The following CREG1 variants were observed in gnomAD, a reference collection of about 807,000 sequenced individuals.
The protein encoded by CREG1 is protein CREG1.
A neutral mutation model predicts 19.9 loss-of-function variants in CREG1; 20 were observed. That is an observed-to-expected ratio of 1.01 (90% confidence interval 0.71 to 1.46). The LOEUF is 1.46. Among genes scored for constraint, CREG1 ranks in the 40% most tolerant of loss-of-function variants. The pLI is 0.00. For synonymous variants in CREG1, 141 were observed against 143.3 expected (o/e 0.98, Z 0.12); for missense variants, 290 against 314.9 (o/e 0.92, Z 0.60).
chr1:167,546,412 G>A lies in CREG1; in HGVS notation c.475-127C>T, dbSNP rs537424809. 1.0e-5 allele frequency: 6 copies of A among 579,204 alleles called. No individual in the cohort carries two copies. The African/African-American group carries it at 1.2e-4, about 11-fold the overall frequency. The allele number at this position is 579,204 out of a possible 1,614,324, so 35.9% of individuals were successfully genotyped here. On this transcript the variant is annotated intron_variant, in intron 2 of 3. Coordinates refer to ENST00000370509, the MANE Select transcript of CREG1 (RefSeq NM_003851.3). ...TAATCCCAGCACTTTGGAAGGCCAA[G>A]GCGGGCGGATCACGAGGTCAGGAGA...
In CREG1 at chr1:167,542,183, A is replaced by G; in HGVS notation, c.*115T>C. ...AAGCAAGCAAACAAACCAGCATGTG[A>G]CAGAAAACTGGCTAATATTCTGGGA... On this transcript the variant is annotated 3_prime_UTR_variant, in exon 4 of 4. Transcript: ENST00000370509. 1 of 890,302 alleles carries G rather than the reference A, an allele frequency of 1.1e-6. No individual in the cohort carries two copies. Among genetic ancestry groups the G allele is most frequent in the Non-Finnish European group, 1.7e-6 (1 of 602,126 alleles). The allele number at this position is 890,302 out of a possible 1,614,324, so 55.2% of individuals were successfully genotyped here.
chr1:167,547,898 G>A (rs1335455857), intron 2 of CREG1, 104 bp downstream of exon 2: 12 of 1,316,326 alleles, frequency 9.1e-6, no homozygotes, highest in African/African-American at 2.9e-5. Context: ...TCCAGCCTGG[G>A]AGACAGAGTG....
Position 167,553,505 on chromosome 1 carries a change from C to A in CREG1, c.237G>T (p.Ala79=). 3 of 1,489,938 alleles carry A rather than the reference C, an allele frequency of 2.0e-6. No homozygotes were observed. The highest frequency in any genetic ancestry group is 2.7e-6 in the Non-Finnish European group (3 of 1,127,556). The allele number at this position is 1,489,938 out of a possible 1,614,324, so 92.3% of individuals were successfully genotyped here. A position where few individuals can be genotyped will look rare whatever the true frequency, so the allele number is the denominator to read the frequency against. ...CGTCGGCGAAGGGCCGGCCGCGCAC[C>A]GCCTCCAGCGTGGAGATGGTGGCCA... ...GALATISTLE[A]VRGRPFADVL... Residue 79 remains alanine (A), a synonymous_variant, in exon 1 of 4, where the codon GCG becomes GCT. Coordinates refer to ENST00000370509, the MANE Select transcript of CREG1 (RefSeq NM_003851.3).
Position 167,542,065 on chromosome 1 carries a change from C to G in CREG1, c.*233G>C, listed in dbSNP as rs920909875. The G allele has an allele frequency of 2.4e-6, 1 of 416,666 alleles. No homozygotes were observed. Among genetic ancestry groups the G allele is most frequent in the South Asian group, 5.5e-5 (1 of 18,342 alleles). 25.8% of individuals were successfully genotyped at this position (416,666 alleles called of 1,614,324 possible). A position where few individuals can be genotyped will look rare whatever the true frequency, so the allele number is the denominator to read the frequency against. On this transcript the variant is annotated 3_prime_UTR_variant, in exon 4 of 4. Transcript: ENST00000370509. ...GATTATAGTGAAGGATATTTCTCTACGAAAATGGCTTCAAAATAGGAAAAA... is the reference window on the plus strand; with the variant it reads ...GATTATAGTGAAGGATATTTCTCTAGGAAAATGGCTTCAAAATAGGAAAAA...
chr1:167,544,972 C>T (rs1430582877), intron 3 of CREG1, among the ~76,000 whole-genome samples: 1 of 152,158 alleles, frequency 6.6e-6, no homozygotes, highest in Non-Finnish European at 1.5e-5. Context: ...TTAGCTAACT[C>T]CAAAGACTCC....
intron 1 of CREG1, among the ~76,000 whole-genome samples, chr1:167,550,397 T>C (rs1221679548): frequency 2.0e-5 from 3 of 152,194 alleles, no homozygotes; most frequent in Non-Finnish European, 2.9e-5. Flanking sequence ...GGTATTTTTG[T>C]TAATCTATTT....
intron 3 of CREG1, among the ~76,000 whole-genome samples, chr1:167,545,795 ACT>A (rs1656306969): frequency 6.6e-6 from 1 of 151,146 alleles, no homozygotes; most frequent in South Asian, 2.1e-4. Context: ...ACAGAGTAAG[ACT>A]CTGTCTTGAA....
intron 1 of CREG1, among the ~76,000 whole-genome samples, chr1:167,550,529 G>C (rs1051630496): frequency 6.6e-6 from 1 of 152,130 alleles, no homozygotes; most frequent in South Asian, 2.1e-4. Flanking sequence ...GGCAAGGACA[G>C]AGGTAAAGAA....
At chr1:167,547,090 A>G (rs1656342376) in intron 2 of CREG1, among the ~76,000 whole-genome samples, 1 of 152,244 alleles carries the variant, frequency 6.6e-6, no homozygotes, top group Non-Finnish European at 1.5e-5. Context: ...AAGAATTTAC[A>G]GACCATAAAT....
intron 1 of CREG1, among the ~76,000 whole-genome samples, chr1:167,553,109 C>A (rs1365745561): frequency 6.6e-6 from 1 of 151,610 alleles, no homozygotes; most frequent in Non-Finnish European, 1.5e-5. Flanking sequence ...GGCCCCAAGA[C>A]GACTGAGAAC....
intron 1 of CREG1, among the ~76,000 whole-genome samples, chr1:167,551,641 C>A (rs186757092): frequency 6.6e-6 from 1 of 152,308 alleles, no homozygotes; most frequent in East Asian, 1.9e-4. Flanking sequence ...TGGTCAATCT[C>A]CCTCCTCCCC....
At chr1:167,548,451 T>C (rs1332491254) in intron 1 of CREG1, among the ~76,000 whole-genome samples, 1 of 151,588 alleles carries the variant, frequency 6.6e-6, no homozygotes, top group East Asian at 1.9e-4. Context: ...TTCTATAGGC[T>C]TCACTGAAAG....
intron 2 of CREG1, among the ~76,000 whole-genome samples, 158 bp from the exon 3 acceptor site, chr1:167,546,443 A>C (rs940361455): frequency 6.6e-6 from 1 of 152,180 alleles, no homozygotes; most frequent in Non-Finnish European, 1.5e-5. Context: ...GGAGACTCAG[A>C]CCATCTTGGC....
chr1:167,550,491 G>A (rs1285094355), intron 1 of CREG1, among the ~76,000 whole-genome samples: 1 of 152,124 alleles, frequency 6.6e-6, no homozygotes, highest in African/African-American at 2.4e-5. Context: ...TAAGCTTAAG[G>A]ATGAGGTGGC....
intron 1 of CREG1, among the ~76,000 whole-genome samples, chr1:167,549,088 C>T (rs1397414412): frequency 6.6e-6 from 1 of 152,062 alleles, no homozygotes; most frequent in Admixed American, 6.6e-5. Context: ...GGTGGGAGGA[C>T]ATATTAAAGG....
chr1:167,546,950 T>A (rs1571625878), intron 2 of CREG1, among the ~76,000 whole-genome samples: 1 of 152,360 alleles, frequency 6.6e-6, no homozygotes, highest in South Asian at 2.1e-4. Flanking sequence ...ATGGACATGT[T>A]AAACATACAG....
intron 3 of CREG1, among the ~76,000 whole-genome samples, chr1:167,542,513 G>A (rs1656243449): frequency 6.6e-6 from 1 of 152,180 alleles, no homozygotes; most frequent in Non-Finnish European, 1.5e-5. Flanking sequence ...GTGGGGCCTA[G>A]GAATCCTCAT....
intron 1 of CREG1, among the ~76,000 whole-genome samples, chr1:167,549,092 T>C (rs189063674): frequency 1.3e-5 from 2 of 152,182 alleles, no homozygotes; most frequent in African/African-American, 4.8e-5. Flanking sequence ...GGAGGACATA[T>C]TAAAGGGAGA....
rs201739452 is a variant in CREG1, at chr1:167,552,823, G to C, written c.354+565C>G. Among the ~76,000 whole-genome samples, 8 of 152,252 alleles carry C rather than the reference G, an allele frequency of 5.3e-5. No individual in the cohort carries two copies. In the East Asian group the frequency reaches 9.6e-4, roughly 18 times the overall value. ...GCACTTTGGGAGGCTGAGATGGGTGGATCACGTGAGGTCAGGAGTTTGAGA... is the reference window on the plus strand; with the variant it reads ...GCACTTTGGGAGGCTGAGATGGGTGCATCACGTGAGGTCAGGAGTTTGAGA... On this transcript the variant is annotated intron_variant, in intron 1 of 3. Coordinates refer to ENST00000370509, the MANE Select transcript of CREG1 (RefSeq NM_003851.3).
Sources: gnomAD v4.1 joint callset for allele counts (sites outside exome capture counted in the v4.1 genomes callset) on GRCh38, gnomAD v4.1.1 for gene constraint, MANE v1.5 for transcripts, NCBI Gene and HGNC (gene_info 2026-07-23, HGNC 2026-07-21) for gene names.